NPAS2: variants seen among roughly 807,000 people sequenced by gnomAD.
The protein encoded by NPAS2 is neuronal PAS domain-containing protein 2.
Under a neutral mutation model 107.5 loss-of-function variants are expected in NPAS2, and 23 were observed. The ratio of observed to expected loss-of-function variants is 0.21; its 90% CI spans 0.15 to 0.30. The LOEUF is 0.30. Among genes scored for constraint, NPAS2 ranks in the 10% least tolerant of loss-of-function variants. NPAS2 has a pLI of 1.00. For synonymous variants in NPAS2, 403 were observed against 417.5 expected (o/e 0.97, Z 0.42); for missense variants, 756 against 1,043.3 (o/e 0.72, Z 3.79).
chr2:100,954,318 C>A (rs1484824390), intron 7 of NPAS2, among the ~76,000 whole-genome samples: 1 of 152,170 alleles, frequency 6.6e-6, no homozygotes, highest in East Asian at 1.9e-4. Flanking sequence ...CTGGGAGAGG[C>A]AGTCCCTCCA....
rs758377330 is a variant in NPAS2 at position 100,995,842 on chromosome 2, C to T, written c.*260C>T. On this transcript the variant is annotated 3_prime_UTR_variant, in exon 21 of 21. Transcript: ENST00000335681. Reference sequence around the variant, plus strand: ...CCATACTGGACAGGAACCAGGTGCCCCGTGTAGGCATCGTCGGTCGGTTTG... The same window carrying T: ...CCATACTGGACAGGAACCAGGTGCCTCGTGTAGGCATCGTCGGTCGGTTTG... 6.4e-5 allele frequency: 98 copies of T among 1,531,610 alleles called. 1 individual carries two copies. Among genetic ancestry groups the T allele is most frequent in the Non-Finnish European group, 8.3e-5 (94 of 1,135,402 alleles). The allele number at this position is 1,531,610 out of a possible 1,614,324, so 94.9% of individuals were successfully genotyped here. A position where few individuals can be genotyped will look rare whatever the true frequency, so the allele number is the denominator to read the frequency against.
chr2:100,950,867 G>C (rs945664049), intron 7 of NPAS2, among the ~76,000 whole-genome samples: 5 of 152,154 alleles, frequency 3.3e-5, no homozygotes, highest in Admixed American at 6.5e-5. Flanking sequence ...CATCTGAAAG[G>C]CTTGTCTAAA....
At chr2:100,950,985 G>A (rs1206710211) in intron 7 of NPAS2, among the ~76,000 whole-genome samples, 1 of 152,196 alleles carries the variant, frequency 6.6e-6, no homozygotes, top group African/African-American at 2.4e-5. Context: ...AGAGAACCCA[G>A]CATCGTACTA....
Position 100,827,228 on chromosome 2 carries a change from G to T in NPAS2, c.-23+6814G>T, listed in dbSNP as rs558103414. Among the ~76,000 whole-genome samples, 448 of 152,274 alleles carry T rather than the reference G, an allele frequency of 2.9e-3. 1 individual carries two copies. Among genetic ancestry groups the T allele is most frequent in the Non-Finnish European group, 3.5e-3 (238 of 68,032 alleles). ...TCTCAATCCAGTCAGATGGTAGGCT[G>T]CCCCAAGCATTTCTAAGAAGCTTTG... On this transcript the variant is annotated intron_variant, in intron 1 of 20. Coordinates refer to ENST00000335681, the MANE Select transcript of NPAS2 (RefSeq NM_002518.4).
intron 1 of NPAS2, among the ~76,000 whole-genome samples, chr2:100,880,345 C>T (rs1680253459): frequency 6.6e-6 from 1 of 152,136 alleles, no homozygotes. Context: ...TTCACAGCAG[C>T]GTTATTCATA....
chr2:100,922,374 G>A (rs1166048418), intron 2 of NPAS2, among the ~76,000 whole-genome samples: 2 of 152,130 alleles, frequency 1.3e-5, no homozygotes, highest in Non-Finnish European at 2.9e-5. Flanking sequence ...CTGAGGTCAG[G>A]AGTTCGAGAC....
intron 1 of NPAS2, among the ~76,000 whole-genome samples, chr2:100,842,599 G>A (rs1354220184): frequency 1.3e-5 from 2 of 152,152 alleles, no homozygotes; most frequent in East Asian, 3.9e-4. Context: ...GTCCTTAGTC[G>A]TGCAAGGTGG....
At chr2:100,988,308 G>T in intron 17 of NPAS2, 32 bp downstream of exon 17, 1 of 1,582,308 alleles carries the variant, frequency 6.3e-7, no homozygotes, top group Admixed American at 1.7e-5. Flanking sequence ...TTCACTCCTT[G>T]CCTCTAGAGC....
chr2:100,871,700 A>G (rs1402207643), intron 1 of NPAS2, among the ~76,000 whole-genome samples: 1 of 151,724 alleles, frequency 6.6e-6, no homozygotes, highest in Non-Finnish European at 1.5e-5. Context: ...CTCATTAACC[A>G]CACTTGTCAC....
rs889944742 is a variant in NPAS2, at chr2:100,842,109, A to T, written c.-23+21695A>T. 1.5e-3 allele frequency among the ~76,000 whole-genome samples: 233 copies of T among 151,232 alleles called. 1 individual carries two copies. Among genetic ancestry groups the T allele is most frequent in the African/African-American group, 5.4e-3 (221 of 40,870 alleles). On this transcript the variant is annotated intron_variant, in intron 1 of 20. Transcript: ENST00000335681. ...CACACACACACACACACACACACACACTTAAGCCCCCAGGTGCCAGGAAGA... is the reference window on the plus strand; with the variant it reads ...CACACACACACACACACACACACACTCTTAAGCCCCCAGGTGCCAGGAAGA...
rs553770076 is a variant in NPAS2, at chr2:100,820,246, C to CGCGGCG, written c.-173_-168dup. ...GCCGCGGAGCCCGGAGACCCGCAGC[C>CGCGGCG]GCGGCGGCGGCGGCGGCGGCGGCAG... is the stretch of plus-strand genomic sequence containing the variant. On this transcript the variant is annotated 5_prime_UTR_variant, in exon 1 of 21. Transcript: ENST00000335681. The surrounding 1 kb of genome is among the most constrained non-coding windows in gnomAD (Gnocchi z 5.6). 40,119 of 145,158 alleles carry CGCGGCG rather than the reference C, an allele frequency of 0.28. 7,277 individuals are homozygous for CGCGGCG. Among genetic ancestry groups the CGCGGCG allele is most frequent in the Non-Finnish European group, 0.4 (26,234 of 65,636 alleles). The allele number at this position is 145,158 out of a possible 1,614,324, so 9.0% of individuals were successfully genotyped here.
rs764533479 is a variant in NPAS2 at position 100,995,560 on chromosome 2, G to T, written c.2453G>T (p.Gly818Val). 2.0e-5 allele frequency: 32 copies of T among 1,607,250 alleles called. 1 individual carries two copies. The highest frequency in any genetic ancestry group is 1.7e-4 in the Middle Eastern group (1 of 6,036). ...RRVSSLSESSGLQQPPR is the reference protein window; with the variant it reads ...RRVSSLSESSVLQQPPR The stretch of plus-strand genomic sequence containing the variant: ...GTCAGCAGTCTGTCTGAGTCGTCAG[G>T]CCTCCAGCAGCCGCCCCGATAATGC... Residue 818 changes from glycine to valine, a missense_variant, in exon 21 of 21, where the codon GGC becomes GTC. Gly to Val is a moderately radical substitution (Grantham distance 109). Around this residue, in one of 4 missense-constraint regions of NPAS2, gnomAD observed 496 missense variants for 594.4 expected, o/e 0.83. Transcript: ENST00000335681.
At chr2:100,859,212 G>A (rs993039875) in intron 1 of NPAS2, among the ~76,000 whole-genome samples, 5 of 152,174 alleles carry the variant, frequency 3.3e-5, no homozygotes, top group Non-Finnish European at 4.4e-5. Flanking sequence ...GCAGTGAGCC[G>A]AGATCATGCT....
Position 100,850,030 on chromosome 2 carries a change from AAAAAAAAGC to A in NPAS2, c.-23+29619_-23+29627del, listed in dbSNP as rs1210410820. On this transcript the variant is annotated intron_variant, in intron 1 of 20. Transcript: ENST00000335681. ...TTTTTGTAAAAAAAAAAAAAAAAAAAAAAAAAAGCAAGAGAAAATAGAAAAAAAAATTTG... is the reference window on the plus strand; with the variant it reads ...TTTTTGTAAAAAAAAAAAAAAAAAAAAAGAGAAAATAGAAAAAAAAATTTG... Among the ~76,000 whole-genome samples the A allele has an allele frequency of 1.7e-4, 22 of 131,010 alleles. No individual in the cohort carries two copies. The East Asian group carries it at 2.0e-3, about 12-fold the overall frequency. 85.9% of individuals were successfully genotyped at this position (131,010 alleles called of 152,430 possible).
At chr2:100,859,710 C>G (rs1678816341) in intron 1 of NPAS2, among the ~76,000 whole-genome samples, 1 of 152,070 alleles carries the variant, frequency 6.6e-6, no homozygotes, top group African/African-American at 2.4e-5. Context: ...GTGCAGATTA[C>G]CAAGGCCCTG....
Position 100,990,055 on chromosome 2 carries a change from C to T in NPAS2, c.1828-201C>T, listed in dbSNP as rs184334270. 1.7e-3 allele frequency: 1,026 copies of T among 597,108 alleles called. 1 individual carries two copies. The highest frequency in any genetic ancestry group is 5.4e-3 in the Middle Eastern group (12 of 2,216). The allele number at this position is 597,108 out of a possible 1,614,324, so 37.0% of individuals were successfully genotyped here. ...ATTTGCTACTTGCCTGCCTAGAGTCCGGCACTGTCCTAGGCCCAAGGGATT... is the reference window on the plus strand; with the variant it reads ...ATTTGCTACTTGCCTGCCTAGAGTCTGGCACTGTCCTAGGCCCAAGGGATT... On this transcript the variant is annotated intron_variant, in intron 17 of 20. Coordinates refer to ENST00000335681, the MANE Select transcript of NPAS2 (RefSeq NM_002518.4).
At chr2:100,873,313 C>T (rs1206839526) in intron 1 of NPAS2, among the ~76,000 whole-genome samples, 999 of 51,122 alleles carry the variant, frequency 0.02, 5 homozygotes, top group African/African-American at 0.048. Flanking sequence ...TATATACACA[C>T]ACACACACAC....
At chr2:100,840,965 G>A (rs1162751537) in intron 1 of NPAS2, among the ~76,000 whole-genome samples, 1 of 152,092 alleles carries the variant, frequency 6.6e-6, no homozygotes, top group Non-Finnish European at 1.5e-5. Flanking sequence ...CTGATTGGCT[G>A]TGCAACTTAG....
chr2:100,917,166 C>T (rs1389215129), intron 2 of NPAS2, among the ~76,000 whole-genome samples: 1 of 152,186 alleles, frequency 6.6e-6, no homozygotes, highest in South Asian at 2.1e-4. Flanking sequence ...TAGATATAAA[C>T]ACAGAAAGTA....
Sources: gnomAD v4.1 joint callset for allele counts (sites outside exome capture counted in the v4.1 genomes callset) on GRCh38, gnomAD v4.1.1 for gene constraint, gnomAD v4.1.1 regional missense constraint, Gnocchi (gnomAD v3.1) non-coding constraint, MANE v1.5 for transcripts, NCBI Gene and HGNC (gene_info 2026-07-23, HGNC 2026-07-21) for gene names.